Variants in SUCLG2 observed in about 807,000 individuals in gnomAD.
The protein encoded by SUCLG2 is succinate--CoA ligase [GDP-forming] subunit beta, mitochondrial.
In SUCLG2, 42 loss-of-function variants were observed where a neutral mutation model predicts 47.9. The observed-to-expected ratio is 0.88, with a 90% CI of 0.69 to 1.14. The LOEUF (loss-of-function observed/expected upper bound fraction) is 1.14. Among genes scored for constraint, SUCLG2 ranks in the 50% most tolerant of loss-of-function variants. The probability of loss-of-function intolerance (pLI) is 0.00; values close to 1 mark genes in which losing one functional copy is unlikely to be tolerated. For synonymous variants in SUCLG2, 195 were observed against 197.3 expected, an observed-to-expected ratio of 0.99 and a Z score of 0.10; for missense variants, 571 against 525.9, an observed-to-expected ratio of 1.09 and a Z score of -0.84.
intron 2 of SUCLG2, among the ~76,000 whole-genome samples, chr3:67,559,966 T>C (rs1438243517): frequency 1.3e-5 from 2 of 151,746 alleles, no homozygotes; most frequent in Admixed American, 1.3e-4. Flanking sequence ...GGCTGTGCAG[T>C]TGTCGGGGGA....
At chr3:67,472,381 G>C (rs571913198) in intron 9 of SUCLG2, among the ~76,000 whole-genome samples, 3 of 152,184 alleles carry the variant, frequency 2.0e-5, no homozygotes, top group South Asian at 4.2e-4. Context: ...TCTAGATTAG[G>C]AATCTGGTAA....
At chr3:67,487,757 C>T (rs997570644) in intron 9 of SUCLG2, among the ~76,000 whole-genome samples, 1 of 152,160 alleles carries the variant, frequency 6.6e-6, no homozygotes, top group Non-Finnish European at 1.5e-5. Flanking sequence ...AGTCCTTCAA[C>T]TATTACTGAG....
At chr3:67,375,990 C>G (rs1304721579) in intron 10 of SUCLG2, 131 bp from the exon 11 acceptor site, 6 of 1,399,506 alleles carry the variant, frequency 4.3e-6, no homozygotes, top group Non-Finnish European at 5.6e-6. Context: ...AGGTTCTCAT[C>G]AAGGTCACTG....
intron 9 of SUCLG2, among the ~76,000 whole-genome samples, chr3:67,424,169 T>G (rs919473693): frequency 2.0e-5 from 3 of 152,226 alleles, no homozygotes; most frequent in Non-Finnish European, 4.4e-5. Context: ...TCCATCTACC[T>G]GGAATAATCT....
At chr3:67,531,943 T>A (rs1329291677) in intron 2 of SUCLG2, among the ~76,000 whole-genome samples, 1 of 152,106 alleles carries the variant, frequency 6.6e-6, no homozygotes, top group Non-Finnish European at 1.5e-5. Flanking sequence ...AAAGATCTGA[T>A]CTCTCCCAAA....
intron 9 of SUCLG2, among the ~76,000 whole-genome samples, chr3:67,401,505 T>C (rs1702682539): frequency 6.6e-6 from 1 of 151,042 alleles, no homozygotes; most frequent in Admixed American, 6.6e-5. Context: ...TTCTTAGAAA[T>C]GTAAATTTAA....
chr3:67,619,232 CTG>C (rs1700687287), intron 1 of SUCLG2, among the ~76,000 whole-genome samples: 1 of 152,156 alleles, frequency 6.6e-6, no homozygotes, highest in Non-Finnish European at 1.5e-5. Flanking sequence ...ATTCCAGAAA[CTG>C]TGTTATTCCA....
chr3:67,573,928 C>T (rs1454344166), intron 2 of SUCLG2, among the ~76,000 whole-genome samples: 2 of 152,154 alleles, frequency 1.3e-5, no homozygotes, highest in African/African-American at 4.8e-5. Flanking sequence ...TACATTTTTT[C>T]CTGGAGGCAC....
intron 9 of SUCLG2, among the ~76,000 whole-genome samples, chr3:67,463,714 T>C (rs992122151): frequency 6.6e-6 from 1 of 152,222 alleles, no homozygotes; most frequent in African/African-American, 2.4e-5. Context: ...CTGGAAAATA[T>C]TGCCCTAATC....
At chr3:67,406,162 T>C (rs1342813177) in intron 9 of SUCLG2, among the ~76,000 whole-genome samples, 2 of 152,210 alleles carry the variant, frequency 1.3e-5, no homozygotes, top group Non-Finnish European at 2.9e-5. Flanking sequence ...TTAGGCAGCC[T>C]GTTTGCTGTC....
chr3:67,376,719 AT>A (rs1702040921), intron 10 of SUCLG2, among the ~76,000 whole-genome samples: 1 of 152,212 alleles, frequency 6.6e-6, no homozygotes, highest in South Asian at 2.1e-4. Flanking sequence ...GCTGGATTAA[AT>A]AGAAATGGGT....
At chr3:67,585,576 T>C (rs1707993099) in intron 2 of SUCLG2, among the ~76,000 whole-genome samples, 1 of 152,070 alleles carries the variant, frequency 6.6e-6, no homozygotes, top group Non-Finnish European at 1.5e-5. Flanking sequence ...AATAAGCCAC[T>C]AGAATGTAAG....
At chr3:67,393,594 G>A (rs1702447319) in intron 10 of SUCLG2, among the ~76,000 whole-genome samples, 1 of 152,188 alleles carries the variant, frequency 6.6e-6, no homozygotes, top group Non-Finnish European at 1.5e-5. Context: ...TTGGGGGCAG[G>A]GCACAGACAA....
At chr3:67,442,343 C>T (rs1703787828) in intron 9 of SUCLG2, among the ~76,000 whole-genome samples, 1 of 152,178 alleles carries the variant, frequency 6.6e-6, no homozygotes, top group Admixed American at 6.5e-5. Flanking sequence ...ACTGAAATCC[C>T]CAGAACAGTG....
intron 2 of SUCLG2, among the ~76,000 whole-genome samples, chr3:67,540,489 C>T (rs1706674184): frequency 6.6e-6 from 1 of 152,128 alleles, no homozygotes; most frequent in Non-Finnish European, 1.5e-5. Context: ...GCCAGACTGC[C>T]TGTCTAGATT....
At chr3:67,547,365 G>GA (rs1408029640) in intron 2 of SUCLG2, among the ~76,000 whole-genome samples, 5 of 152,184 alleles carry the variant, frequency 3.3e-5, no homozygotes, top group Non-Finnish European at 7.3e-5. Context: ...AATGAACTAA[G>GA]ATACTCCCTG....
At chr3:67,455,286 C>T (rs1355928566) in intron 9 of SUCLG2, among the ~76,000 whole-genome samples, 1 of 152,166 alleles carries the variant, frequency 6.6e-6, no homozygotes, top group African/African-American at 2.4e-5. Context: ...ATGCCTCTGG[C>T]CCATCCTCCT....
chr3:67,383,871 C>G (rs1176869779), intron 10 of SUCLG2, among the ~76,000 whole-genome samples: 4 of 152,158 alleles, frequency 2.6e-5, no homozygotes, highest in African/African-American at 9.7e-5. Flanking sequence ...CACCTGCCAT[C>G]ATCTGCTAGG....
At chr3:67,518,539 C>T (rs1369283746) in intron 5 of SUCLG2, among the ~76,000 whole-genome samples, 2 of 152,160 alleles carry the variant, frequency 1.3e-5, no homozygotes, top group African/African-American at 2.4e-5. Flanking sequence ...CTTCCAAAAA[C>T]TATATAATTC....
Sources: gnomAD v4.1 joint callset for allele counts (sites outside exome capture counted in the v4.1 genomes callset) on GRCh38, gnomAD v4.1.1 for gene constraint, MANE v1.5 for transcripts, NCBI Gene and HGNC (gene_info 2026-07-23, HGNC 2026-07-21) for gene names.